NRF1: variants seen among roughly 807,000 people sequenced by gnomAD.
NRF1 encodes the protein alpha palindromic-binding protein.
NRF1 carries 5 observed loss-of-function variants against 58.5 expected under a neutral mutation model. That is an observed-to-expected ratio of 0.09 (90% CI 0.04 to 0.18). NRF1 has a LOEUF of 0.18. Among genes scored for constraint, NRF1 ranks in the 10% least tolerant of loss-of-function variants. The pLI is 1.00. For synonymous variants in NRF1, 224 were observed against 246.7 expected (o/e 0.91, Z 0.86); for missense variants, 288 against 657.7 (o/e 0.44, Z 6.15).
chr7:129,672,152 G>GATAT, intron 3 of NRF1, among the ~76,000 whole-genome samples: 1 of 149,362 alleles, frequency 6.7e-6, no homozygotes, highest in East Asian at 2.1e-4. Context: ...CAGCCAGGGA[G>GATAT]ATATGAGAGG....
intron 10 of NRF1, among the ~76,000 whole-genome samples, chr7:129,728,493 A>AC (rs1803503806): frequency 3.3e-5 from 5 of 151,166 alleles, no homozygotes; most frequent in Admixed American, 2.0e-4. Context: ...AAAAAAAAAA[A>AC]ACCAATCCTG....
At chr7:129,673,596 A>G (rs1181195959) in intron 3 of NRF1, among the ~76,000 whole-genome samples, 1 of 151,236 alleles carries the variant, frequency 6.6e-6, no homozygotes, top group Non-Finnish European at 1.5e-5. Context: ...GGGCGCCTGT[A>G]GTCCCAGCTA....
At chr7:129,754,950 C>T in intron 10 of NRF1, 68 bp from the exon 11 acceptor site, 24 of 1,454,940 alleles carry the variant, frequency 1.6e-5, no homozygotes, top group Non-Finnish European at 2.1e-5. Context: ...ACTTGGGTGC[C>T]CCCGTCCAGC....
chr7:129,732,646 A>T (rs192433642), intron 10 of NRF1, among the ~76,000 whole-genome samples: 1 of 152,122 alleles, frequency 6.6e-6, no homozygotes, highest in Admixed American at 6.5e-5. Flanking sequence ...CTTGTTGTCC[A>T]GGCTGGAGTG....
chr7:129,692,602 A>C (rs1802596765), intron 5 of NRF1, among the ~76,000 whole-genome samples: 1 of 152,164 alleles, frequency 6.6e-6, no homozygotes, highest in African/African-American at 2.4e-5. Flanking sequence ...TTATTTATTT[A>C]TTTAATTCAG....
chr7:129,699,943 G>T (rs1056942486), intron 5 of NRF1, among the ~76,000 whole-genome samples: 12 of 148,642 alleles, frequency 8.1e-5, no homozygotes, highest in African/African-American at 2.5e-4. Context: ...TTTGAGACCA[G>T]CCTGACCAAC....
intron 5 of NRF1, among the ~76,000 whole-genome samples, chr7:129,693,288 G>A (rs1331394291): frequency 1.3e-5 from 2 of 152,232 alleles, no homozygotes; most frequent in Admixed American, 1.3e-4. Flanking sequence ...TATTCCATCT[G>A]AACCAGCAAC....
Position 129,618,878 on chromosome 7 carries a change from A to G in NRF1, c.-7+7054A>G, listed in dbSNP as rs960489144. ...GTTTCATATACATCTTACAACCTGG[A>G]TGCAGTTTTATACAATATTTTAAAT... On this transcript the variant is annotated intron_variant, in intron 1 of 10. Transcript: ENST00000393232. 4.6e-5 allele frequency among the ~76,000 whole-genome samples: 7 copies of G among 152,280 alleles called. No individual in the cohort carries two copies. In the East Asian group the frequency reaches 7.7e-4, roughly 17 times the overall value.
chr7:129,703,484 C>G (rs1032346906), intron 5 of NRF1, among the ~76,000 whole-genome samples: 1 of 152,186 alleles, frequency 6.6e-6, no homozygotes, highest in Admixed American at 6.5e-5. Flanking sequence ...TCATTTGACT[C>G]TTCCTGTACT....
At chr7:129,680,426 T>C (rs1802281928) in intron 4 of NRF1, among the ~76,000 whole-genome samples, 1 of 152,252 alleles carries the variant, frequency 6.6e-6, no homozygotes, top group South Asian at 2.1e-4. Flanking sequence ...CCATGTGTCC[T>C]AGCAGTTCTA....
chr7:129,657,962 C>G (rs1054052364), intron 2 of NRF1, among the ~76,000 whole-genome samples: 26 of 152,218 alleles, frequency 1.7e-4, no homozygotes, highest in African/African-American at 6.0e-4. Context: ...CTGTATTATA[C>G]TGAGACTTGA....
At chr7:129,684,462 T>C (rs1051692718) in intron 4 of NRF1, among the ~76,000 whole-genome samples, 5 of 152,222 alleles carry the variant, frequency 3.3e-5, no homozygotes, top group African/African-American at 7.2e-5. Flanking sequence ...AGAATAAATA[T>C]TAACCGAAAA....
chr7:129,685,817 G>A (rs1802431184), intron 4 of NRF1, among the ~76,000 whole-genome samples: 1 of 151,790 alleles, frequency 6.6e-6, no homozygotes, highest in South Asian at 2.1e-4. Flanking sequence ...AAAATATTTG[G>A]ATAAGAAGCA....
intron 2 of NRF1, among the ~76,000 whole-genome samples, chr7:129,666,414 T>A (rs576819482): frequency 4.9e-4 from 74 of 152,366 alleles, no homozygotes; most frequent in African/African-American, 1.6e-3. Flanking sequence ...ATCACTCTGA[T>A]ACTATGTTTC....
At chr7:129,689,167 T>C (rs1377919592) in intron 4 of NRF1, among the ~76,000 whole-genome samples, 1 of 152,214 alleles carries the variant, frequency 6.6e-6, no homozygotes, top group African/African-American at 2.4e-5. Context: ...CCTTAGTTAT[T>C]GACCTATTTG....
At chr7:129,619,210 G>A (rs1254026882) in intron 1 of NRF1, among the ~76,000 whole-genome samples, 1 of 151,282 alleles carries the variant, frequency 6.6e-6, no homozygotes, top group Non-Finnish European at 1.5e-5. Context: ...GCTGAAGAGA[G>A]GGATTAAGTG....
chr7:129,726,700 A>C (rs1191301652), intron 9 of NRF1, among the ~76,000 whole-genome samples: 1 of 152,058 alleles, frequency 6.6e-6, no homozygotes, highest in African/African-American at 2.4e-5. Flanking sequence ...TGTATTTGAA[A>C]AGCATAACTA....
At chr7:129,654,368 T>G (rs1801605126) in intron 1 of NRF1, among the ~76,000 whole-genome samples, 1 of 152,234 alleles carries the variant, frequency 6.6e-6, no homozygotes. Flanking sequence ...TAACAATCCT[T>G]CTGATTCATC....
intron 10 of NRF1, among the ~76,000 whole-genome samples, chr7:129,742,149 C>G (rs1803859028): frequency 6.6e-6 from 1 of 152,050 alleles, no homozygotes; most frequent in Admixed American, 6.6e-5. Context: ...GGCAAGGAGA[C>G]ATACTGGTTT....
Sources: allele counts gnomAD v4.1 joint callset (sites outside exome capture counted in the v4.1 genomes callset), GRCh38; gene constraint gnomAD v4.1.1; transcripts MANE v1.5; gene names NCBI Gene and HGNC (gene_info 2026-07-23, HGNC 2026-07-21).